USP34: variants seen among roughly 807,000 people sequenced by gnomAD.
USP34 encodes the protein ubiquitin carboxyl-terminal hydrolase 34.
A neutral mutation model predicts 460.3 loss-of-function variants in USP34; 70 were observed. The ratio of observed to expected loss-of-function variants is 0.15; its 90% CI spans 0.13 to 0.19. USP34 has a LOEUF of 0.19. USP34 is among the 10% of genes least tolerant of loss of function. USP34 has a pLI of 1.00. For synonymous variants in USP34, 1,647 were observed against 1,405.3 expected (o/e 1.17, Z -3.85); for missense variants, 3,985 against 4,236.2 (o/e 0.94, Z 1.65).
At chr2:61,400,763 GTTAC>G (rs1364366134) in intron 3 of USP34, among the ~76,000 whole-genome samples, 2 of 152,030 alleles carry the variant, frequency 1.3e-5, no homozygotes, top group African/African-American at 4.8e-5. Context: ...AAGGTGAAGG[GTTAC>G]TTGAGTCCAG....
At chr2:61,306,999 T>G (rs1378858834) in intron 27 of USP34, among the ~76,000 whole-genome samples, 1 of 152,096 alleles carries the variant, frequency 6.6e-6, no homozygotes, top group Admixed American at 6.6e-5. Context: ...CATGCTGCTA[T>G]AAAGACACAT....
Position 61,370,342 on chromosome 2 carries a change from G to A in USP34, c.1230C>T (p.Asp410=), listed in dbSNP as rs755999212. The change falls in exon 10 of 80, where the codon GAC becomes GAT. Residue 410 remains aspartate, a synonymous_variant. Coordinates refer to ENST00000398571, the MANE Select transcript of USP34 (RefSeq NM_014709.4). ...AEGRLSTQHI[D]CIWAAAQLKH... Reference sequence around the variant, plus strand: ...TTACCTGTGCTGCAGCCCAAATACAGTCAATATGTTGAGTACTCAGTCGCC... The same window carrying A: ...TTACCTGTGCTGCAGCCCAAATACAATCAATATGTTGAGTACTCAGTCGCC... 1.2e-6 allele frequency: 2 copies of A among 1,613,998 alleles called. No homozygotes were observed. Among genetic ancestry groups the A allele is most frequent in the Non-Finnish European group, 8.5e-7 (1 of 1,179,956 alleles).
intron 34 of USP34, 33 bp downstream of exon 34, chr2:61,288,644 A>T: frequency 1.3e-6 from 2 of 1,593,440 alleles, no homozygotes; most frequent in Non-Finnish European, 1.7e-6. Flanking sequence ...AATAAATGGA[A>T]TTCATCATTA....
intron 1 of USP34, among the ~76,000 whole-genome samples, chr2:61,435,061 T>C (rs1464031014): frequency 6.6e-6 from 1 of 151,984 alleles, no homozygotes; most frequent in African/African-American, 2.4e-5. Context: ...CTCAGCACTT[T>C]GGGAGGCCAA....
intron 1 of USP34, among the ~76,000 whole-genome samples, chr2:61,439,838 C>T (rs1225494447): frequency 6.6e-6 from 1 of 152,164 alleles, no homozygotes; most frequent in African/African-American, 2.4e-5. Context: ...GGGTGGAGAC[C>T]TCATGATGTG....
intron 5 of USP34, among the ~76,000 whole-genome samples, chr2:61,385,039 G>A (rs1236511724): frequency 6.6e-6 from 1 of 151,974 alleles, no homozygotes; most frequent in East Asian, 1.9e-4. Context: ...AAACAAATAT[G>A]CACACACCTA....
intron 1 of USP34, among the ~76,000 whole-genome samples, chr2:61,428,968 CTT>C (rs1230105382): frequency 1.3e-5 from 2 of 152,056 alleles, no homozygotes; most frequent in African/African-American, 4.8e-5. Flanking sequence ...AAAATAATAA[CTT>C]TACTCACACT....
intron 2 of USP34, among the ~76,000 whole-genome samples, chr2:61,408,268 G>A (rs1052360952): frequency 1.3e-5 from 2 of 151,952 alleles, no homozygotes; most frequent in Admixed American, 6.6e-5. Flanking sequence ...TAGGAAACCC[G>A]ACCCAGAACC....
chr2:61,243,601 C>T (rs1461367970), intron 51 of USP34, among the ~76,000 whole-genome samples: 7 of 145,666 alleles, frequency 4.8e-5, no homozygotes, highest in Non-Finnish European at 8.9e-5. Flanking sequence ...CGGCTGAGTA[C>T]GGTGGCTCAT....
chr2:61,206,622 T>C lies in USP34; in HGVS notation c.9046+138A>G, dbSNP rs186766118. Reference sequence around the variant, plus strand: ...TCAGGAGTTCATGACAAACATTTCCTGATGGTTAGCTAGCTTCAGCCTCAT... The same window carrying C: ...TCAGGAGTTCATGACAAACATTTCCCGATGGTTAGCTAGCTTCAGCCTCAT... On this transcript the variant is annotated intron_variant, in intron 71 of 79. Coordinates refer to ENST00000398571, the MANE Select transcript of USP34 (RefSeq NM_014709.4). 44 of 1,122,786 alleles carry C rather than the reference T, an allele frequency of 3.9e-5. No homozygotes were observed. In the East Asian group the frequency reaches 6.1e-4, roughly 16 times the overall value. 69.6% of individuals were successfully genotyped at this position (1,122,786 alleles called of 1,614,324 possible).
At chr2:61,302,887 C>A (rs947668944) in intron 27 of USP34, among the ~76,000 whole-genome samples, 3 of 152,132 alleles carry the variant, frequency 2.0e-5, no homozygotes, top group African/African-American at 7.2e-5. Context: ...GATAACTTCA[C>A]AGTAATTTCA....
chr2:61,378,913 G>GAAAAAAAACAAA (rs1692879776), intron 7 of USP34, among the ~76,000 whole-genome samples: 1 of 57,872 alleles, frequency 1.7e-5, no homozygotes, highest in African/African-American at 7.3e-5. Context: ...TCAAAAAAAC[G>GAAAAAAAACAAA]AAAAAAAAAA....
intron 1 of USP34, among the ~76,000 whole-genome samples, chr2:61,421,538 T>C (rs897453446): frequency 2.0e-5 from 3 of 152,238 alleles, no homozygotes; most frequent in African/African-American, 7.2e-5. Context: ...ATAAGGGTCT[T>C]TGAAGCCACT....
chr2:61,400,400 C>T (rs537819774), intron 3 of USP34, among the ~76,000 whole-genome samples: 12 of 152,026 alleles, frequency 7.9e-5, no homozygotes, highest in Non-Finnish European at 1.3e-4. Context: ...TGAGCCACCG[C>T]GCCCGGCCAG....
At chr2:61,265,858 C>A in intron 42 of USP34, 126 bp downstream of exon 42, 3 of 936,808 alleles carry the variant, frequency 3.2e-6, no homozygotes, top group Non-Finnish European at 4.3e-6. Context: ...TTTAATAACA[C>A]CCTACCAATA....
At chr2:61,451,081 C>T (rs1312221666) in intron 1 of USP34, among the ~76,000 whole-genome samples, 2 of 151,058 alleles carry the variant, frequency 1.3e-5, no homozygotes, top group Non-Finnish European at 2.9e-5. Context: ...ATTGGCTGGG[C>T]ATGGTGGTAG....
chr2:61,244,522 C>G (rs1002426365), intron 51 of USP34, among the ~76,000 whole-genome samples: 1 of 150,796 alleles, frequency 6.6e-6, no homozygotes, highest in South Asian at 2.1e-4. Flanking sequence ...GGCTGAGACT[C>G]GAGAATAGCT....
intron 1 of USP34, among the ~76,000 whole-genome samples, chr2:61,441,141 A>AAT (rs1694953558): frequency 2.8e-5 from 4 of 140,636 alleles, no homozygotes; most frequent in Non-Finnish European, 4.7e-5. Flanking sequence ...AAAAAAAAAA[A>AAT]TTTTTTTTTT....
intron 29 of USP34, among the ~76,000 whole-genome samples, chr2:61,300,250 A>G (rs1214684625): frequency 1.3e-5 from 2 of 152,132 alleles, no homozygotes; most frequent in Admixed American, 1.3e-4. Context: ...AAAGGTTTAC[A>G]TTATTTCGCT....
Sources: gnomAD v4.1 joint callset for allele counts (sites outside exome capture counted in the v4.1 genomes callset) on GRCh38, gnomAD v4.1.1 for gene constraint, MANE v1.5 for transcripts, NCBI Gene and HGNC (gene_info 2026-07-23, HGNC 2026-07-21) for gene names.